Variants in NR3C2 observed in about 807,000 individuals in gnomAD.
NR3C2 encodes the protein nuclear receptor subfamily 3 group C member 2, also known as mineralocorticoid receptor.
NR3C2 carries 15 observed loss-of-function variants against 86.4 expected under a neutral mutation model. That is an observed-to-expected ratio of 0.17 (90% confidence interval 0.12 to 0.27). The LOEUF is 0.27. Ranked by LOEUF, NR3C2 falls within the 10% of genes least tolerant of loss-of-function variation. NR3C2 has a pLI of 1.00. For missense variants in NR3C2, 960 were observed against 1,195.6 expected, an observed-to-expected ratio of 0.80 and a Z score of 2.91; for synonymous variants, 458 against 450.5, an observed-to-expected ratio of 1.02 and a Z score of -0.21.
chr4:148,283,824 C>T (rs1376966407), intron 2 of NR3C2, among the ~76,000 whole-genome samples: 2 of 152,200 alleles, frequency 1.3e-5, no homozygotes, highest in African/African-American at 4.8e-5. Context: ...TCACCAGTTT[C>T]TGGCAAATTA....
At chr4:148,354,660 T>C (rs1390836276) in intron 2 of NR3C2, among the ~76,000 whole-genome samples, 1 of 152,120 alleles carries the variant, frequency 6.6e-6, no homozygotes, top group Admixed American at 6.6e-5. Flanking sequence ...AATAACAAGA[T>C]CCTGATACAA....
At chr4:148,089,674 G>C (rs535746969) in intron 8 of NR3C2, among the ~76,000 whole-genome samples, 1 of 152,190 alleles carries the variant, frequency 6.6e-6, no homozygotes, top group South Asian at 2.1e-4. Flanking sequence ...GCCTTTTCAG[G>C]AATATTTAAG....
At chr4:148,353,909 T>C (rs191576771) in intron 2 of NR3C2, among the ~76,000 whole-genome samples, 35 of 152,322 alleles carry the variant, frequency 2.3e-4, no homozygotes, top group Non-Finnish European at 4.0e-4. Context: ...TGGATTCTAC[T>C]TAAAGGCTCT....
chr4:148,322,150 C>T (rs2149954834), intron 2 of NR3C2, among the ~76,000 whole-genome samples: 1 of 148,946 alleles, frequency 6.7e-6, no homozygotes, highest in South Asian at 2.2e-4. Flanking sequence ...CTTAGTTTGG[C>T]TGGATATGAA....
intron 3 of NR3C2, among the ~76,000 whole-genome samples, chr4:148,210,767 G>A (rs1025450946): frequency 1.3e-5 from 2 of 152,128 alleles, no homozygotes; most frequent in Admixed American, 1.3e-4. Context: ...CTATCCACAA[G>A]TACCAATAAA....
chr4:148,337,030 A>C (rs1744526859), intron 2 of NR3C2, among the ~76,000 whole-genome samples: 1 of 152,308 alleles, frequency 6.6e-6, no homozygotes, highest in South Asian at 2.1e-4. Context: ...CCTAGGCTCA[A>C]GTGATCCTCC....
chr4:148,246,009 A>G (rs1330315062), intron 3 of NR3C2, among the ~76,000 whole-genome samples: 1 of 152,168 alleles, frequency 6.6e-6, no homozygotes, highest in Non-Finnish European at 1.5e-5. Context: ...TTAATTAGCC[A>G]TCCAATAAGA....
chr4:148,360,403 G>A (rs966305109), intron 2 of NR3C2, among the ~76,000 whole-genome samples: 12 of 152,160 alleles, frequency 7.9e-5, no homozygotes, highest in Admixed American at 3.3e-4. Context: ...TATACACTGT[G>A]TAACTGCCTT....
intron 2 of NR3C2, among the ~76,000 whole-genome samples, chr4:148,337,911 T>A (rs541830461): frequency 2.0e-5 from 3 of 152,272 alleles, no homozygotes; most frequent in Non-Finnish European, 4.4e-5. Flanking sequence ...ATGGTATAGA[T>A]GTTGGTTAAG....
chr4:148,221,999 T>C (rs1054269794), intron 3 of NR3C2, among the ~76,000 whole-genome samples: 2 of 152,162 alleles, frequency 1.3e-5, no homozygotes, highest in South Asian at 4.2e-4. Context: ...TGTGTATGTA[T>C]GTGTGTATAT....
At chr4:148,424,986 CT>C (rs71594260) in intron 2 of NR3C2, among the ~76,000 whole-genome samples, 3,138 of 152,276 alleles carry the variant, frequency 0.021, 44 homozygotes, top group Non-Finnish European at 0.031. Context: ...TTACCAACTA[CT>C]GTATTATACT....
At chr4:148,316,067 T>C (rs567545416) in intron 2 of NR3C2, among the ~76,000 whole-genome samples, 2 of 152,290 alleles carry the variant, frequency 1.3e-5, no homozygotes, top group African/African-American at 4.8e-5. Flanking sequence ...TAGAAAAACA[T>C]GTTGTAAAAC....
intron 6 of NR3C2, among the ~76,000 whole-genome samples, chr4:148,129,358 G>T (rs76626566): frequency 0.032 from 4,869 of 152,246 alleles, 271 homozygotes; most frequent in African/African-American, 0.11. Flanking sequence ...GTTACCAGGG[G>T]CTGGGGGTAG....
upstream of NR3C2, chr4:148,444,124 C>A: frequency 1.0e-6 from 1 of 985,410 alleles, no homozygotes; most frequent in Non-Finnish European, 1.2e-6. Context: ...GCGCGGGCGG[C>A]GGGCGGGAGC....
At chr4:148,239,721 C>T (rs1162313107) in intron 3 of NR3C2, among the ~76,000 whole-genome samples, 1 of 152,166 alleles carries the variant, frequency 6.6e-6, no homozygotes, top group African/African-American at 2.4e-5. Context: ...TTTATGAAAA[C>T]ATTTTGTCAG....
chr4:148,413,448 G>A (rs1332049171), intron 2 of NR3C2, among the ~76,000 whole-genome samples: 1 of 151,978 alleles, frequency 6.6e-6, no homozygotes, highest in Non-Finnish European at 1.5e-5. Flanking sequence ...TCTTAGGCAA[G>A]GGATATAAAG....
At chr4:148,407,670 C>T (rs1392444395) in intron 2 of NR3C2, among the ~76,000 whole-genome samples, 1 of 68,746 alleles carries the variant, frequency 1.5e-5, no homozygotes, top group African/African-American at 5.7e-5. Flanking sequence ...ATGTAAATCA[C>T]TCAAATCTAT....
chr4:148,188,506 GA>G (rs2149797249), intron 4 of NR3C2, among the ~76,000 whole-genome samples: 2 of 152,216 alleles, frequency 1.3e-5, no homozygotes, highest in African/African-American at 4.8e-5. Flanking sequence ...TGTAAAAGGG[GA>G]TAAGTTCTTG....
intron 2 of NR3C2, among the ~76,000 whole-genome samples, chr4:148,343,580 T>C (rs1361540100): frequency 6.6e-6 from 1 of 152,152 alleles, no homozygotes. Flanking sequence ...TTGGAGGTTA[T>C]GAAGCCTGGA....
Sources: allele counts gnomAD v4.1 joint callset (sites outside exome capture counted in the v4.1 genomes callset), GRCh38; gene constraint gnomAD v4.1.1; transcripts MANE v1.5; gene names NCBI Gene and HGNC (gene_info 2026-07-23, HGNC 2026-07-21).